The following MYO3B variants were observed in gnomAD, a reference collection of about 807,000 sequenced individuals.
The protein encoded by MYO3B is myosin IIIB, also known as myosin-IIIb.
A neutral mutation model predicts 174.6 loss-of-function variants in MYO3B; 156 were observed. The ratio of observed to expected loss-of-function variants is 0.89; its 90% CI spans 0.78 to 1.02. The LOEUF is 1.02. Ranked by LOEUF, MYO3B falls within the 50% of genes least tolerant of loss-of-function variation. MYO3B has a pLI of 0.00. For missense variants in MYO3B, 1,632 were observed against 1,639.4 expected (o/e 1.00, Z 0.08); for synonymous variants, 563 against 569.1 (o/e 0.99, Z 0.15).
At chr2:170,232,427 CTGAA>C (rs2093025408) in intron 6 of MYO3B, among the ~76,000 whole-genome samples, 1 of 152,184 alleles carries the variant, frequency 6.6e-6, no homozygotes, top group African/African-American at 2.4e-5. Context: ...AGGAGCAATC[CTGAA>C]TGAGAGACCC....
At chr2:170,239,908 G>A (rs372761003) in intron 7 of MYO3B, among the ~76,000 whole-genome samples, 1 of 152,148 alleles carries the variant, frequency 6.6e-6, no homozygotes. Context: ...CGGGTCAGCA[G>A]GGCCACACTC....
chr2:170,651,388 T>G (rs138663822), intron 32 of MYO3B, among the ~76,000 whole-genome samples: 4 of 97,848 alleles, frequency 4.1e-5, no homozygotes, highest in Non-Finnish European at 7.9e-5. Context: ...TCTGTCACCC[T>G]GGACTGCTGA....
intron 32 of MYO3B, among the ~76,000 whole-genome samples, chr2:170,581,562 T>C (rs1009196785): frequency 6.6e-6 from 1 of 151,960 alleles, no homozygotes; most frequent in African/African-American, 2.4e-5. Context: ...AAGCCTTATA[T>C]CTTTTTAAAG....
At chr2:170,213,837 T>G (rs2092799128) in intron 3 of MYO3B, among the ~76,000 whole-genome samples, 1 of 152,190 alleles carries the variant, frequency 6.6e-6, no homozygotes, top group Non-Finnish European at 1.5e-5. Flanking sequence ...TCCATAAACT[T>G]TATCTGCAAT....
chr2:170,621,181 A>C (rs1338772764), intron 32 of MYO3B, among the ~76,000 whole-genome samples: 1 of 151,966 alleles, frequency 6.6e-6, no homozygotes, highest in Admixed American at 6.6e-5. Flanking sequence ...GAGCCACCGC[A>C]CCCGGCCAAC....
intron 12 of MYO3B, among the ~76,000 whole-genome samples, chr2:170,385,607 G>A (rs34556407): frequency 0.049 from 7,380 of 152,136 alleles, 221 homozygotes; most frequent in Non-Finnish European, 0.069. Flanking sequence ...CAAACAATAC[G>A]GACAGGTCAT....
chr2:170,635,859 C>G (rs34901459), intron 32 of MYO3B, among the ~76,000 whole-genome samples: 3,929 of 152,150 alleles, frequency 0.026, 175 homozygotes, highest in East Asian at 0.15. Flanking sequence ...AAACCAAGTT[C>G]GTAACCACAT....
intron 6 of MYO3B, among the ~76,000 whole-genome samples, chr2:170,219,823 AT>A (rs1371241060): frequency 2.0e-5 from 3 of 152,234 alleles, no homozygotes; most frequent in Non-Finnish European, 4.4e-5. Flanking sequence ...CTCAACTAAT[AT>A]TTGGGGTGAT....
At chr2:170,485,386 AACACACAC>A (rs370436580) in intron 25 of MYO3B, among the ~76,000 whole-genome samples, 170 of 136,792 alleles carry the variant, frequency 1.2e-3, no homozygotes, top group Admixed American at 3.5e-3. Context: ...ATCCTTTCAG[AACACACAC>A]ACACACACAC....
At chr2:170,531,848 A>G (rs1689372669) in intron 30 of MYO3B, among the ~76,000 whole-genome samples, 1 of 152,242 alleles carries the variant, frequency 6.6e-6, no homozygotes, top group Non-Finnish European at 1.5e-5. Flanking sequence ...ATATGAAATA[A>G]TAAAGGTAGA....
At chr2:170,346,949 C>A (rs1283809405) in intron 8 of MYO3B, among the ~76,000 whole-genome samples, 1 of 152,204 alleles carries the variant, frequency 6.6e-6, no homozygotes, top group Non-Finnish European at 1.5e-5. Context: ...GTAGCTCATA[C>A]TTTTGTGGAC....
In MYO3B at chr2:170,402,894, T is replaced by C; in HGVS notation, c.2176T>C (p.Phe726Leu). The change falls in exon 19 of 35, where the codon TTC becomes CTC. Residue 726 changes from phenylalanine (F) to leucine (L), a missense_variant. Transcript: ENST00000408978. ...TGTGGGGATCTTGGATATCTTTGGA[T>C]TCGAGAATTTTCAGAGAAATTCATT... is the stretch of plus-strand genomic sequence containing the variant. ...MNVGILDIFG[F>L]ENFQRNSFEQ... 2.5e-6 allele frequency: 4 copies of C among 1,612,260 alleles called. No individual in the cohort carries two copies. In the African/African-American group the frequency reaches 5.3e-5, roughly 21 times the overall value.
chr2:170,474,790 G>A lies in MYO3B; in HGVS notation c.3014+8079G>A, dbSNP rs531280069. ...AAAAAAAAAAAAAAAAAAAAGATAGGCATCCATTACCCTTAGTTTTGACTA... is the reference window on the plus strand; with the variant it reads ...AAAAAAAAAAAAAAAAAAAAGATAGACATCCATTACCCTTAGTTTTGACTA... On this transcript the variant is annotated intron_variant, in intron 25 of 34. Coordinates refer to ENST00000408978, the MANE Select transcript of MYO3B (RefSeq NM_138995.5). Among the ~76,000 whole-genome samples the A allele has an allele frequency of 8.9e-4, 108 of 121,626 alleles. 1 individual carries two copies. Among genetic ancestry groups the A allele is most frequent in the Admixed American group, 1.4e-3 (16 of 11,314 alleles). The allele number at this position is 121,626 out of a possible 152,430, so 79.8% of individuals were successfully genotyped here.
intron 22 of MYO3B, among the ~76,000 whole-genome samples, chr2:170,443,540 G>C (rs2094818074): frequency 6.6e-6 from 1 of 151,996 alleles, no homozygotes; most frequent in Non-Finnish European, 1.5e-5. Flanking sequence ...CATTGCTTTT[G>C]GTGTTTTAGT....
intron 23 of MYO3B, among the ~76,000 whole-genome samples, chr2:170,448,573 G>T (rs1683398240): frequency 6.6e-6 from 1 of 152,136 alleles, no homozygotes; most frequent in Non-Finnish European, 1.5e-5. Flanking sequence ...CATGACAAGG[G>T]TGTTAGTATC....
Position 170,402,806 on chromosome 2 carries a change from T to A in MYO3B, c.2130-42T>A, listed in dbSNP as rs757385683. The A allele has an allele frequency of 1.9e-6, 3 of 1,540,622 alleles. No homozygotes were observed. The East Asian group carries it at 6.8e-5, about 35-fold the overall frequency. ...TATATTCTCATCCTCTTTAGGTGGG[T>A]GTTTCCTCCCCTAAAGAGTTTTGTT... On this transcript the variant is annotated intron_variant, in intron 18 of 34. Transcript: ENST00000408978.
chr2:170,402,761 C>CATCA, intron 18 of MYO3B, 87 bp from the exon 19 acceptor site: 3 of 1,290,854 alleles, frequency 2.3e-6, no homozygotes, highest in Non-Finnish European at 3.1e-6. Context: ...GGTACTTGAG[C>CATCA]TGATAAGCAC....
At chr2:170,198,282 G>C (rs1490481085) in intron 1 of MYO3B, among the ~76,000 whole-genome samples, 1 of 152,188 alleles carries the variant, frequency 6.6e-6, no homozygotes, top group Non-Finnish European at 1.5e-5. Flanking sequence ...CACCCAGCTA[G>C]TTAATGCGTA....
At chr2:170,599,254 C>T (rs1694340386) in intron 32 of MYO3B, among the ~76,000 whole-genome samples, 2 of 152,166 alleles carry the variant, frequency 1.3e-5, no homozygotes, top group African/African-American at 2.4e-5. Flanking sequence ...GTACTGGTAG[C>T]ACCCATTTGA....
Sources: allele counts gnomAD v4.1 joint callset (sites outside exome capture counted in the v4.1 genomes callset), GRCh38; gene constraint gnomAD v4.1.1; transcripts MANE v1.5; gene names NCBI Gene and HGNC (gene_info 2026-07-23, HGNC 2026-07-21).